ARHGAP15: variants seen among roughly 807,000 people sequenced by gnomAD.
ARHGAP15 encodes Rho GTPase activating protein 15, also known as rho GTPase-activating protein 15.
A neutral mutation model predicts 63.7 loss-of-function variants in ARHGAP15; 51 were observed. That is an observed-to-expected ratio of 0.80 (90% CI 0.64 to 1.01). The LOEUF is 1.01. ARHGAP15 is among the 50% of genes least tolerant of loss of function. The probability of loss-of-function intolerance (pLI) is 0.00; values close to 1 mark genes in which losing one functional copy is unlikely to be tolerated. For synonymous variants in ARHGAP15, 191 were observed against 193.8 expected, an observed-to-expected ratio of 0.99 and a Z score of 0.12; for missense variants, 560 against 564.6, an observed-to-expected ratio of 0.99 and a Z score of 0.08.
At chr2:143,593,415 G>C (rs567022010) in intron 11 of ARHGAP15, 1 of 152,130 alleles carries the variant, frequency 6.6e-6, no homozygotes, top group African/African-American at 2.4e-5. Context: ...CAAATGTTTT[G>C]AAGATTAAAA....
intron 12 of ARHGAP15, among the ~76,000 whole-genome samples, chr2:143,642,890 C>T (rs1003212234): frequency 2.6e-5 from 4 of 152,014 alleles, no homozygotes; most frequent in African/African-American, 9.7e-5. Flanking sequence ...TTGAAGGCAG[C>T]AATGATTTTG....
intron 12 of ARHGAP15, among the ~76,000 whole-genome samples, chr2:143,700,855 G>T (rs374949395): frequency 3.3e-5 from 5 of 151,928 alleles, no homozygotes; most frequent in African/African-American, 7.3e-5. Flanking sequence ...TTTTTTTCTG[G>T]TTTATGATAT....
At chr2:143,482,174 A>G (rs971001275) in intron 8 of ARHGAP15, among the ~76,000 whole-genome samples, 1 of 152,174 alleles carries the variant, frequency 6.6e-6, no homozygotes, top group Non-Finnish European at 1.5e-5. Flanking sequence ...CTAGTCTCTT[A>G]TGCAAATCAG....
At chr2:143,756,235 T>C (rs1686571790) in intron 13 of ARHGAP15, among the ~76,000 whole-genome samples, 1 of 152,220 alleles carries the variant, frequency 6.6e-6, no homozygotes. Flanking sequence ...CTTTTATGTT[T>C]ATCTAACGTC....
chr2:143,256,757 A>G (rs1218772155), intron 6 of ARHGAP15, among the ~76,000 whole-genome samples: 1 of 152,080 alleles, frequency 6.6e-6, no homozygotes, highest in African/African-American at 2.4e-5. Flanking sequence ...GGGAGGCATA[A>G]AATTTTATAA....
At chr2:143,541,265 G>C (rs914692827) in intron 10 of ARHGAP15, among the ~76,000 whole-genome samples, 7 of 152,078 alleles carry the variant, frequency 4.6e-5, no homozygotes, top group African/African-American at 1.7e-4. Flanking sequence ...GGTTATTCTA[G>C]TTATCCATTC....
chr2:143,195,005 C>G (rs1047555688), intron 2 of ARHGAP15, among the ~76,000 whole-genome samples: 3 of 151,840 alleles, frequency 2.0e-5, no homozygotes, highest in African/African-American at 7.3e-5. Flanking sequence ...GTGCCAGGAG[C>G]GAGAGGCTGG....
chr2:143,716,793 AGCCAACTGT>A (rs1351077565), intron 13 of ARHGAP15, among the ~76,000 whole-genome samples: 1 of 152,252 alleles, frequency 6.6e-6, no homozygotes, highest in Non-Finnish European at 1.5e-5. Context: ...GAGAAAGCTG[AGCCAACTGT>A]GATAGAGGCA....
chr2:143,661,848 T>A (rs982316858), intron 12 of ARHGAP15, among the ~76,000 whole-genome samples: 1 of 152,124 alleles, frequency 6.6e-6, no homozygotes, highest in African/African-American at 2.4e-5. Context: ...ACCCGAATAT[T>A]ACGCTTTTCG....
intron 11 of ARHGAP15, among the ~76,000 whole-genome samples, chr2:143,589,734 G>A (rs1033637013): frequency 2.0e-5 from 3 of 152,156 alleles, no homozygotes; most frequent in Admixed American, 6.5e-5. Flanking sequence ...ACAATATAAA[G>A]ATGGGTAGGA....
intron 8 of ARHGAP15, among the ~76,000 whole-genome samples, chr2:143,470,923 TATGTGTATATATGTGTGTATATACACAC>T (rs911393291): frequency 6.1e-5 from 9 of 147,878 alleles, no homozygotes; most frequent in Non-Finnish European, 7.5e-5. Context: ...CGTATGTGTA[TATGTGTATATATGTGTGTATATACACAC>T]ATGTGTATCA....
At chr2:143,767,906 GA>G in intron 13 of ARHGAP15, 82 bp from the exon 14 acceptor site, 1 of 1,317,198 alleles carries the variant, frequency 7.6e-7, no homozygotes, top group East Asian at 2.3e-5. Context: ...TCCTGAATGA[GA>G]AACCTTTTTT....
chr2:143,439,807 C>G (rs547109680), intron 8 of ARHGAP15, among the ~76,000 whole-genome samples: 2 of 152,080 alleles, frequency 1.3e-5, no homozygotes, highest in East Asian at 3.9e-4. Context: ...AAAAGGTAAA[C>G]TTAGTTTATA....
intron 6 of ARHGAP15, among the ~76,000 whole-genome samples, chr2:143,251,634 T>C (rs972707037): frequency 2.0e-5 from 3 of 152,050 alleles, no homozygotes; most frequent in African/African-American, 7.2e-5. Flanking sequence ...GGTTCTAGTT[T>C]TATTTTGCTT....
chr2:143,664,849 A>C (rs371043799), intron 12 of ARHGAP15, among the ~76,000 whole-genome samples: 20 of 152,178 alleles, frequency 1.3e-4, no homozygotes, highest in Non-Finnish European at 2.6e-4. Flanking sequence ...CACATACACC[A>C]TCCCAAGACT....
chr2:143,174,568 G>A (rs897693249), intron 2 of ARHGAP15, among the ~76,000 whole-genome samples: 3 of 152,052 alleles, frequency 2.0e-5, no homozygotes, highest in South Asian at 2.1e-4. Context: ...GTCATATAAA[G>A]CATCTGTGTG....
intron 1 of ARHGAP15, among the ~76,000 whole-genome samples, chr2:143,135,184 G>A (rs1689087848): frequency 6.6e-6 from 1 of 152,140 alleles, no homozygotes; most frequent in African/African-American, 2.4e-5. Flanking sequence ...AGTGAGGAGA[G>A]GAATTTGAGG....
chr2:143,246,630 A>C, intron 5 of ARHGAP15, among the ~76,000 whole-genome samples: 1 of 151,870 alleles, frequency 6.6e-6, no homozygotes. Context: ...AATATTATGG[A>C]GGGGCAAGCA....
At chr2:143,308,742 A>T (rs796969480) in intron 6 of ARHGAP15, among the ~76,000 whole-genome samples, 1 of 152,032 alleles carries the variant, frequency 6.6e-6, no homozygotes, top group Non-Finnish European at 1.5e-5. Context: ...TTATAATGTT[A>T]TTATTACATG....
Sources: gnomAD v4.1 joint callset for allele counts (sites outside exome capture counted in the v4.1 genomes callset) on GRCh38, gnomAD v4.1.1 for gene constraint, MANE v1.5 for transcripts, NCBI Gene and HGNC (gene_info 2026-07-23, HGNC 2026-07-21) for gene names.